TAAR5: variants seen among roughly 807,000 people sequenced by gnomAD.
TAAR5 encodes the protein trace amine-associated receptor 5.
TAAR5 carries 27 observed loss-of-function variants against 21.1 expected under a neutral mutation model. The observed-to-expected ratio is 1.28, with a 90% confidence interval of 0.94 to 1.76. TAAR5 has a LOEUF of 1.76. Among genes scored for constraint, TAAR5 ranks in the 40% most tolerant of loss-of-function variants. The pLI is 0.00. For missense variants in TAAR5, 495 were observed against 405.6 expected, an observed-to-expected ratio of 1.22 and a Z score of -1.89; for synonymous variants, 203 against 167.5, an observed-to-expected ratio of 1.21 and a Z score of -1.64.
At chr6:132,599,989 A>C in the TAAR5 span, among the ~76,000 whole-genome samples, 1 of 152,214 alleles carries the variant, frequency 6.6e-6, no homozygotes, top group Non-Finnish European at 1.5e-5. Context: ...ACAAACAAAA[A>C]ATAAACCAAA....
the TAAR5 span, among the ~76,000 whole-genome samples, chr6:132,599,178 T>C: frequency 6.6e-6 from 1 of 152,178 alleles, no homozygotes; most frequent in African/African-American, 2.4e-5. Context: ...TCACGATCAC[T>C]GGGGAAGACA....
At chr6:132,607,202 A>G in the TAAR5 span, among the ~76,000 whole-genome samples, 2 of 152,064 alleles carry the variant, frequency 1.3e-5, no homozygotes, top group Admixed American at 1.3e-4. Flanking sequence ...CTCAAAAACA[A>G]ACATACAAAA....
At chr6:132,607,044 A>G in the TAAR5 span, among the ~76,000 whole-genome samples, 1 of 151,876 alleles carries the variant, frequency 6.6e-6, no homozygotes, top group Non-Finnish European at 1.5e-5. Flanking sequence ...AAACTACAAA[A>G]GGTTGCCGGG....
At chr6:132,615,657 A>G in the TAAR5 span, among the ~76,000 whole-genome samples, 1 of 152,086 alleles carries the variant, frequency 6.6e-6, no homozygotes, top group Non-Finnish European at 1.5e-5. Context: ...GCCAGTATAC[A>G]GGACACTGGA....
At chr6:132,598,430 CAAAATTTGGCT>C in the TAAR5 span, among the ~76,000 whole-genome samples, 136 of 152,194 alleles carry the variant, frequency 8.9e-4, no homozygotes, top group African/African-American at 3.2e-3. Flanking sequence ...TTTGGCTTGC[CAAAATTTGGCT>C]AATTAGGCTG....
chr6:132,593,791 A>G (rs1486118488), upstream of TAAR5, among the ~76,000 whole-genome samples: 1 of 152,212 alleles, frequency 6.6e-6, no homozygotes, highest in Non-Finnish European at 1.5e-5. Context: ...TTTCTCATTT[A>G]GTAAGACAGT....
At chr6:132,594,595 C>T (rs1233660528), upstream of TAAR5, 3 of 152,288 alleles carry the variant, frequency 2.0e-5, no homozygotes, top group East Asian at 1.9e-4. Flanking sequence ...GATCTGTGAT[C>T]GTCAAGACAA....
the TAAR5 span, chr6:132,608,163 C>G: frequency 2.7e-6 from 1 of 366,282 alleles, no homozygotes; most frequent in Non-Finnish European, 5.3e-6. Context: ...TTGCAGTGAT[C>G]TGGGGATGTA....
the TAAR5 span, among the ~76,000 whole-genome samples, chr6:132,603,773 C>A: frequency 6.6e-6 from 1 of 152,010 alleles, no homozygotes; most frequent in Non-Finnish European, 1.5e-5. Flanking sequence ...GTAAGTAAGT[C>A]ATTAAGTTTA....
At position 132,589,089 on chromosome 6, in the gene TAAR5, A is replaced by C. The variant is rs878923477; in HGVS notation, c.598T>G (p.Trp200Gly). 1 of 1,614,112 alleles carries C rather than the reference A, an allele frequency of 6.2e-7. No homozygotes were observed. The highest frequency in any genetic ancestry group is 8.5e-7 in the Non-Finnish European group (1 of 1,179,982). Reference protein sequence around the residue: ...GSCQLLLNKFWGWLNFPLFFV... With the variant: ...GSCQLLLNKFGGWLNFPLFFV... ...AACAAAGGGAAGTTTAACCAGCCCC[A>C]AAATTTATTGAGCAGCAGCTGGCAA... The change falls in exon 1 of 1, where the codon TGG becomes GGG. Residue 200 changes from tryptophan (W) to glycine (G), a missense_variant. Coordinates refer to ENST00000258034, the MANE Select transcript of TAAR5 (RefSeq NM_003967.3).
the TAAR5 span, among the ~76,000 whole-genome samples, chr6:132,612,656 C>A: frequency 0.021 from 3,247 of 152,202 alleles, 53 homozygotes; most frequent in African/African-American, 0.044. Flanking sequence ...TGGCATGACA[C>A]CCCTCCGTGT....
chr6:132,597,835 AG>A, the TAAR5 span, among the ~76,000 whole-genome samples: 2 of 152,222 alleles, frequency 1.3e-5, no homozygotes, highest in Non-Finnish European at 2.9e-5. Context: ...TAGTTCTTTA[AG>A]GGAGAAGACG....
At chr6:132,616,650 C>A in the TAAR5 span, among the ~76,000 whole-genome samples, 9 of 152,198 alleles carry the variant, frequency 5.9e-5, no homozygotes, top group African/African-American at 2.2e-4. Context: ...ACATAACTGA[C>A]TCCTGGAAGA....
chr6:132,615,728 A>G, the TAAR5 span, among the ~76,000 whole-genome samples: 1 of 152,142 alleles, frequency 6.6e-6, no homozygotes, highest in Admixed American at 6.6e-5. Context: ...ATAAAAGGAC[A>G]TTGAAAAGGT....
chr6:132,589,520 G>A lies in TAAR5; in HGVS notation c.167C>T (p.Ala56Val), dbSNP rs1468763574. The A allele has an allele frequency of 6.2e-7, 1 of 1,613,848 alleles. No individual in the cohort carries two copies. The highest frequency in any genetic ancestry group is 8.5e-7 in the Non-Finnish European group (1 of 1,179,968). Reference sequence around the variant, plus strand: ...CGCTTTGAAGTAGGACACAGCAAATGCCACAAATACATTCCCTAGCACGAT... The same window carrying A: ...CGCTTTGAAGTAGGACACAGCAAATACCACAAATACATTCCCTAGCACGAT... ...LIIVLGNVFV[A>V]FAVSYFKALH... The change falls in exon 1 of 1, where the codon GCA (alanine) becomes GTA (valine). Residue 56 changes from alanine (A) to valine (V), a missense_variant. Transcript: ENST00000258034.
At chr6:132,592,708 C>A (rs1171839117), upstream of TAAR5, among the ~76,000 whole-genome samples, 1 of 152,192 alleles carries the variant, frequency 6.6e-6, no homozygotes, top group Non-Finnish European at 1.5e-5. Flanking sequence ...GTAAGATGTG[C>A]CTGCTTTCCC....
chr6:132,611,720 A>G, the TAAR5 span, among the ~76,000 whole-genome samples: 3 of 152,188 alleles, frequency 2.0e-5, no homozygotes, highest in African/African-American at 7.2e-5. Flanking sequence ...GCAGACCCTA[A>G]AAGAATGATC....
chr6:132,608,809 G>A, the TAAR5 span: 6 of 455,888 alleles, frequency 1.3e-5, no homozygotes, highest in South Asian at 4.6e-5. Context: ...AGCAGGAACT[G>A]ACCAGCAAAA....
the TAAR5 span, chr6:132,608,685 C>T: frequency 2.2e-6 from 1 of 455,872 alleles, no homozygotes; most frequent in South Asian, 1.5e-5. Context: ...ACAATATTGT[C>T]CCCCAGAATT....
Sources: gnomAD v4.1 joint callset for allele counts (sites outside exome capture counted in the v4.1 genomes callset) on GRCh38, gnomAD v4.1.1 for gene constraint, MANE v1.5 for transcripts, NCBI Gene and HGNC (gene_info 2026-07-23, HGNC 2026-07-21) for gene names.